LRP1: variants seen among roughly 807,000 people sequenced by gnomAD.
LRP1 encodes the protein prolow-density lipoprotein receptor-related protein 1.
Under a neutral mutation model 541.5 loss-of-function variants are expected in LRP1, and 51 were observed. That is an observed-to-expected ratio of 0.09 (90% confidence interval 0.08 to 0.12). LRP1 has a LOEUF of 0.12. Ranked by LOEUF, LRP1 falls within the 10% of genes least tolerant of loss-of-function variation. LRP1 has a pLI of 1.00. For missense variants in LRP1, 3,878 were observed against 6,376.2 expected, an observed-to-expected ratio of 0.61 and a Z score of 13.34; for synonymous variants, 2,219 against 2,470.8, an observed-to-expected ratio of 0.90 and a Z score of 3.02.
rs548073124 is a variant in LRP1, at chr12:57,135,118, C to T, written c.68-3341C>T. On this transcript the variant is annotated intron_variant, in intron 1 of 88. Coordinates refer to ENST00000243077, the MANE Select transcript of LRP1 (RefSeq NM_002332.3). ...ATGTGTGAGAGGGGGGCCGCAAGGG[C>T]ACCCACCTCACAGGGTTATAGTATC... 1.1e-4 allele frequency among the ~76,000 whole-genome samples: 16 copies of T among 152,348 alleles called. No individual in the cohort carries two copies. The South Asian group carries it at 3.1e-3, about 30-fold the overall frequency.
At chr12:57,192,728 C>A in intron 44 of LRP1, 117 bp from the exon 45 acceptor site, 2 of 1,421,436 alleles carry the variant, frequency 1.4e-6, no homozygotes, top group African/African-American at 1.4e-5. Context: ...GCTGTGCCTG[C>A]CGTGACTGAG....
At chr12:57,133,298 G>A (rs775095092) in intron 1 of LRP1, among the ~76,000 whole-genome samples, 1 of 151,622 alleles carries the variant, frequency 6.6e-6, no homozygotes, top group Non-Finnish European at 1.5e-5. Flanking sequence ...GCTTTTATTT[G>A]TGGGGAAAGG....
chr12:57,202,764 G>A (rs1463354581), intron 68 of LRP1: 1 of 595,108 alleles, frequency 1.7e-6, no homozygotes, highest in Non-Finnish European at 3.0e-6. Context: ...GGTTGCAGAG[G>A]TAGGTGTCTC....
At position 57,205,888 on chromosome 12, in the gene LRP1, A is replaced by T. The variant is rs1156446336; in HGVS notation, c.11590+211A>T. The T allele has an allele frequency of 4.4e-6, 3 of 678,824 alleles. No individual in the cohort carries two copies. The highest frequency in any genetic ancestry group is 7.3e-6 in the Non-Finnish European group (3 of 410,932). The allele number at this position is 678,824 out of a possible 1,614,324, so 42.1% of individuals were successfully genotyped here. A position where few individuals can be genotyped will look rare whatever the true frequency, so the allele number is the denominator to read the frequency against. On this transcript the variant is annotated intron_variant, in intron 75 of 88. Coordinates refer to ENST00000243077, the MANE Select transcript of LRP1 (RefSeq NM_002332.3). This position sits in a 1 kb window ranked among gnomAD's most constrained non-coding sequence, Gnocchi z 4.6. Reference sequence around the variant, plus strand: ...TGACTGAAGGAGTCTGGGGTGTGGCAGTGCTCTGAATTGCACACACACCTC... The same window carrying T: ...TGACTGAAGGAGTCTGGGGTGTGGCTGTGCTCTGAATTGCACACACACCTC...
Position 57,195,095 on chromosome 12 carries a change from C to T in LRP1, c.8302C>T (p.His2768Tyr), listed in dbSNP as rs1308096234. 1 of 1,613,284 alleles carries T rather than the reference C, an allele frequency of 6.2e-7. No homozygotes were observed. Among genetic ancestry groups the T allele is most frequent in the Non-Finnish European group, 8.5e-7 (1 of 1,179,338 alleles). Residue 2768 changes from histidine (H) to tyrosine (Y), a missense_variant, in exon 51 of 89, where the codon CAC becomes TAC. His to Tyr is a moderately conservative substitution (Grantham distance 83). Coordinates refer to ENST00000243077, the MANE Select transcript of LRP1 (RefSeq NM_002332.3). ...DCGDGSDEAA[H>Y]CEGKTCGPSS... ...TGGGGATGGCTCAGACGAGGCTGCT[C>T]ACTGTGGTAAGGAAGCTGGGATTGG...
At chr12:57,186,897 C>T (rs1443145132) in intron 41 of LRP1, among the ~76,000 whole-genome samples, 1 of 152,218 alleles carries the variant, frequency 6.6e-6, no homozygotes, top group Non-Finnish European at 1.5e-5. Flanking sequence ...CAATCCAGCT[C>T]AGGGTCTTTT....
Position 57,138,490 on chromosome 12 carries a change from C to T in LRP1, c.99C>T (p.Ala33=), listed in dbSNP as rs540442477. The T allele has an allele frequency of 1.2e-6, 2 of 1,614,094 alleles. No individual in the cohort carries two copies. Reference sequence around the variant, plus strand: ...AGACTTGCAGCCCCAAGCAGTTTGCCTGCAGAGATCAAATAACCTGTATCT... The same window carrying T: ...AGACTTGCAGCCCCAAGCAGTTTGCTTGCAGAGATCAAATAACCTGTATCT... ...APKTCSPKQF[A]CRDQITCISK... Residue 33 remains alanine, a synonymous_variant, in exon 2 of 89, where the codon GCC becomes GCT. Coordinates refer to ENST00000243077, the MANE Select transcript of LRP1 (RefSeq NM_002332.3).
In LRP1 at chr12:57,195,995, C is replaced by T. The variant is rs766256744; in HGVS notation, c.8693C>T (p.Thr2898Ile). 1 of 1,612,956 alleles carries T rather than the reference C, an allele frequency of 6.2e-7. No homozygotes were observed. Among genetic ancestry groups the T allele is most frequent in the South Asian group, 1.1e-5 (1 of 91,080 alleles). The change falls in exon 54 of 89, where the codon ACC becomes ATC. Residue 2898 changes from threonine to isoleucine, a missense_variant. By Grantham distance (89) the Thr-to-Ile change is moderately conservative. This residue lies in a region of LRP1 where 1,100 missense variants were observed against 1,827.4 expected (regional missense o/e 0.60). Coordinates refer to ENST00000243077, the MANE Select transcript of LRP1 (RefSeq NM_002332.3). ...SDEAPKNPHC[T>I]SQEHKCNASS... ...GAGGCTCCCAAGAACCCACACTGCA[C>T]CAGCCAAGGTGGGCCCCAGACCTGG...
intron 68 of LRP1, chr12:57,202,977 A>G: frequency 3.5e-6 from 2 of 577,778 alleles, no homozygotes; most frequent in Non-Finnish European, 6.2e-6. Context: ...TGTCTGTCCC[A>G]TGGGGTAAGT....
rs767806760 is a variant in LRP1 at position 57,162,369 on chromosome 12, G to A, written c.2255G>A (p.Gly752Asp). 3.1e-6 allele frequency: 5 copies of A among 1,614,006 alleles called. No homozygotes were observed. The highest frequency in any genetic ancestry group is 1.6e-4 in the Middle Eastern group (1 of 6,084). The part of the protein sequence containing the change: ...LNHAFGLCHH[G>D]NYLFWTEYRS... Reference sequence around the variant, plus strand: ...CACGCCTTTGGCCTGTGTCACCATGGCAACTACCTCTTCTGGACTGAGTAT... The same window carrying A: ...CACGCCTTTGGCCTGTGTCACCATGACAACTACCTCTTCTGGACTGAGTAT... Residue 752 changes from glycine to aspartate, a missense_variant, in exon 14 of 89, where the codon GGC becomes GAC. Gly to Asp is a moderately conservative substitution (Grantham distance 94, BLOSUM62 -1). Coordinates refer to ENST00000243077, the MANE Select transcript of LRP1 (RefSeq NM_002332.3). The surrounding 1 kb of genome is among the most constrained non-coding windows in gnomAD (Gnocchi z 5.2).
chr12:57,162,786 C>T lies in LRP1; in HGVS notation c.2405-72C>T. On this transcript the variant is annotated intron_variant, in intron 14 of 88. Transcript: ENST00000243077. The surrounding 1 kb of genome is among the most constrained non-coding windows in gnomAD (Gnocchi z 5.2). ...CTGTCCCCACATCTTAATGTGTCTC[C>T]TCCCCTATCCCTTCTCTGACCTCTC... The T allele has an allele frequency of 1.3e-6, 2 of 1,489,412 alleles. No homozygotes were observed. Among genetic ancestry groups the T allele is most frequent in the Non-Finnish European group, 1.8e-6 (2 of 1,101,200 alleles). The allele number at this position is 1,489,412 out of a possible 1,614,324, so 92.3% of individuals were successfully genotyped here.
intron 6 of LRP1, chr12:57,149,755 G>T (rs768628895): frequency 1.4e-6 from 1 of 719,660 alleles, no homozygotes; most frequent in Non-Finnish European, 2.5e-6. Context: ...GTGGAAGGAA[G>T]AGCTGAAGTC....
chr12:57,154,429 A>G lies in LRP1; in HGVS notation c.1005-50A>G. On this transcript the variant is annotated intron_variant, in intron 7 of 88. Transcript: ENST00000243077. This position sits in a 1 kb window ranked among gnomAD's most constrained non-coding sequence, Gnocchi z 4.6. Reference sequence around the variant, plus strand: ...GGTGGGAGGCTGAGGCTACAGTGGTAAGGAGGGTGCCCAATGTCCAGACCC... The same window carrying G: ...GGTGGGAGGCTGAGGCTACAGTGGTGAGGAGGGTGCCCAATGTCCAGACCC... 6.2e-7 allele frequency: 1 copy of G among 1,606,550 alleles called. No individual in the cohort carries two copies. Among genetic ancestry groups the G allele is most frequent in the South Asian group, 1.1e-5 (1 of 90,568 alleles).
intron 15 of LRP1, chr12:57,164,576 GT>G (rs2035801738): frequency 6.6e-6 from 1 of 152,110 alleles, no homozygotes; most frequent in African/African-American, 2.4e-5. Flanking sequence ...GCAGTAATTT[GT>G]TTACCCCTAA....
rs1256046188 is a variant in LRP1, at chr12:57,205,674, G to A, written c.11587G>A (p.Glu3863Lys). ...FMKTHNTCKA[E>K]GSEYQVLYIA... ...GAAGACGCACAACACCTGCAAGGCC[G>A]AAGGTGCCGGAGCCACCAGAGGGCA... Residue 3863 changes from glutamate to lysine, a missense_variant, in exon 75 of 89, where the codon GAA (glutamate) becomes AAA (lysine). By Grantham distance (56) the Glu-to-Lys change is moderately conservative (BLOSUM62 1). Around this residue, in one of 13 missense-constraint regions of LRP1, gnomAD observed 871 missense variants for 1,212.4 expected, o/e 0.72. Transcript: ENST00000243077. This position sits in a 1 kb window ranked among gnomAD's most constrained non-coding sequence, Gnocchi z 4.6. 4.3e-6 allele frequency: 7 copies of A among 1,610,120 alleles called. No homozygotes were observed. Among genetic ancestry groups the A allele is most frequent in the African/African-American group, 2.7e-5 (2 of 74,944 alleles).
chr12:57,201,945 T>G lies in LRP1; in HGVS notation c.10594+40T>G. 1 of 1,610,302 alleles carries G rather than the reference T, an allele frequency of 6.2e-7. No homozygotes were observed. Among genetic ancestry groups the G allele is most frequent in the African/African-American group, 1.3e-5 (1 of 74,980 alleles). ...CACTCCAGGAGGAAGACAGTCTACC[T>G]GGGTGGGAGGCATGGCACCCCTGGC... On this transcript the variant is annotated intron_variant, in intron 67 of 88. Transcript: ENST00000243077. This position sits in a 1 kb window ranked among gnomAD's most constrained non-coding sequence, Gnocchi z 6.4.
At chr12:57,161,249 C>T in intron 13 of LRP1, 134 bp downstream of exon 13, 1 of 761,364 alleles carries the variant, frequency 1.3e-6, no homozygotes. Context: ...ATGTGTGCAT[C>T]TATTTTTCTG....
Position 57,185,985 on chromosome 12 carries a change from G to T in LRP1, c.6841+77G>T. 6.7e-7 allele frequency: 1 copy of T among 1,484,098 alleles called. No individual in the cohort carries two copies. The allele number at this position is 1,484,098 out of a possible 1,614,324, so 91.9% of individuals were successfully genotyped here. ...AGCACAGACTCTTAGACCCCAGCCA[G>T]GCACTCTACCCTAGGTCTGAATCCC... is the stretch of plus-strand genomic sequence containing the variant. On this transcript the variant is annotated intron_variant, in intron 41 of 88. Transcript: ENST00000243077. The surrounding 1 kb of genome is among the most constrained non-coding windows in gnomAD (Gnocchi z 4.9).
chr12:57,192,471 G>A (rs1328730631), intron 44 of LRP1, among the ~76,000 whole-genome samples: 2 of 152,168 alleles, frequency 1.3e-5, no homozygotes, highest in African/African-American at 2.4e-5. Flanking sequence ...GTGGGCACGA[G>A]TACATGCCCC....
Sources: allele counts gnomAD v4.1 joint callset (sites outside exome capture counted in the v4.1 genomes callset), GRCh38; gene constraint gnomAD v4.1.1; regional missense constraint gnomAD v4.1.1; non-coding constraint Gnocchi (gnomAD v3.1); transcripts MANE v1.5; gene names NCBI Gene and HGNC (gene_info 2026-07-23, HGNC 2026-07-21).